CSMD1: variants seen among roughly 807,000 people sequenced by gnomAD.
CSMD1 encodes the protein CUB and sushi domain-containing protein 1.
A neutral mutation model predicts 417.5 loss-of-function variants in CSMD1; 213 were observed. The ratio of observed to expected loss-of-function variants is 0.51; its 90% CI spans 0.46 to 0.57. CSMD1 has a LOEUF of 0.57. CSMD1 is among the 20% of genes least tolerant of loss of function. The pLI, the probability that CSMD1 is intolerant of heterozygous loss-of-function variation, is 0.00. For synonymous variants in CSMD1, 2,862 were observed against 1,736.8 expected (o/e 1.65, Z -16.11); for missense variants, 6,923 against 4,529.7 (o/e 1.53, Z -15.17).
At chr8:4,847,690 T>A (rs1801221230) in intron 1 of CSMD1, among the ~76,000 whole-genome samples, 1 of 152,132 alleles carries the variant, frequency 6.6e-6, no homozygotes, top group Non-Finnish European at 1.5e-5. Context: ...ACTATGATAG[T>A]TTCCTGACTT....
rs904274552 is a variant in CSMD1 at position 4,383,048 on chromosome 8, A to C, written c.415+36905T>G. Reference sequence around the variant, plus strand: ...GTGGAATATTCTGGTCTCTGTCAGCATTAGGATTCGGGAGTAATAGCTGCT... The same window carrying C: ...GTGGAATATTCTGGTCTCTGTCAGCCTTAGGATTCGGGAGTAATAGCTGCT... On this transcript the variant is annotated intron_variant, in intron 3 of 69. Transcript: ENST00000635120. 3.3e-5 allele frequency among the ~76,000 whole-genome samples: 5 copies of C among 152,180 alleles called. No homozygotes were observed. In the East Asian group the frequency reaches 9.6e-4, roughly 29 times the overall value.
At chr8:3,566,548 G>T (rs1027338553) in intron 10 of CSMD1, among the ~76,000 whole-genome samples, 2 of 151,036 alleles carry the variant, frequency 1.3e-5, no homozygotes, top group Non-Finnish European at 2.9e-5. Flanking sequence ...TTTGTCCATA[G>T]AGGATGTGAA....
chr8:3,308,527 T>A (rs367592576), intron 23 of CSMD1, 24 bp from the exon 24 acceptor site: 5 of 1,588,002 alleles, frequency 3.1e-6, no homozygotes, highest in Non-Finnish European at 4.3e-6. Flanking sequence ...AGGCAAGGAA[T>A]GAACAGAACT....
intron 5 of CSMD1, among the ~76,000 whole-genome samples, chr8:3,889,489 ATAT>A (rs1806803574): frequency 7.3e-5 from 7 of 96,504 alleles, no homozygotes; most frequent in East Asian, 2.7e-4. Flanking sequence ...ATATATATAT[ATAT>A]AAAATATGCT....
At chr8:3,240,133 G>A (rs554059378) in intron 26 of CSMD1, among the ~76,000 whole-genome samples, 39 of 152,302 alleles carry the variant, frequency 2.6e-4, no homozygotes, top group African/African-American at 8.9e-4. Flanking sequence ...GTAAGGTCAA[G>A]TAATTTGGGT....
At chr8:4,207,356 G>A (rs1318847682) in intron 3 of CSMD1, among the ~76,000 whole-genome samples, 1 of 152,022 alleles carries the variant, frequency 6.6e-6, no homozygotes, top group African/African-American at 2.4e-5. Flanking sequence ...CAACAAATTA[G>A]CTTAATAGTT....
intron 40 of CSMD1, among the ~76,000 whole-genome samples, chr8:3,145,100 T>C (rs926765495): frequency 2.0e-5 from 3 of 152,128 alleles, no homozygotes; most frequent in Non-Finnish European, 4.4e-5. Flanking sequence ...TGTGTTTGTG[T>C]GACTGCCTTA....
chr8:3,924,126 A>C lies in CSMD1; in HGVS notation c.818+73777T>G, dbSNP rs577627441. 1.1e-4 allele frequency among the ~76,000 whole-genome samples: 16 copies of C among 152,264 alleles called. No homozygotes were observed. In the South Asian group the frequency reaches 3.1e-3, roughly 30 times the overall value. Reference sequence around the variant, plus strand: ...CTCTTGTTGATGCGGGAAAATCTGTATCTCTCCATTTATGAAGGACAGTTT... The same window carrying C: ...CTCTTGTTGATGCGGGAAAATCTGTCTCTCTCCATTTATGAAGGACAGTTT... On this transcript the variant is annotated intron_variant, in intron 5 of 69. Coordinates refer to ENST00000635120, the MANE Select transcript of CSMD1 (RefSeq NM_033225.6).
intron 1 of CSMD1, among the ~76,000 whole-genome samples, chr8:4,843,194 TG>T (rs1156770837): frequency 1.3e-5 from 2 of 152,098 alleles, no homozygotes; most frequent in African/African-American, 4.8e-5. Flanking sequence ...ACCACTACAT[TG>T]ATTATAGATG....
chr8:4,069,228 G>A (rs780548702), intron 3 of CSMD1, among the ~76,000 whole-genome samples: 6 of 152,160 alleles, frequency 3.9e-5, no homozygotes, highest in Non-Finnish European at 8.8e-5. Flanking sequence ...TTGTCATACA[G>A]ATGAGAAAAT....
chr8:4,960,943 C>T (rs1449644621), intron 1 of CSMD1, among the ~76,000 whole-genome samples: 2 of 152,126 alleles, frequency 1.3e-5, no homozygotes, highest in African/African-American at 2.4e-5. Context: ...GATTTCACTG[C>T]ACATTTTTAA....
At chr8:3,812,992 G>C (rs1482101130) in intron 5 of CSMD1, among the ~76,000 whole-genome samples, 1 of 151,912 alleles carries the variant, frequency 6.6e-6, no homozygotes, top group Non-Finnish European at 1.5e-5. Flanking sequence ...AGGAAATCTG[G>C]AATTAACTCT....
In CSMD1 at chr8:3,804,995, C is replaced by G. The variant is rs972024787; in HGVS notation, c.819-50953G>C. On this transcript the variant is annotated intron_variant, in intron 5 of 69. Coordinates refer to ENST00000635120, the MANE Select transcript of CSMD1 (RefSeq NM_033225.6). ...AATTGTTCGTTCCACTTTCACAGTT[C>G]ACTTCTTCTGGTCTTGAAGAGGCCT... is the stretch of plus-strand genomic sequence containing the variant. 1.2e-4 allele frequency among the ~76,000 whole-genome samples: 18 copies of G among 152,274 alleles called. 1 individual carries two copies. Among genetic ancestry groups the G allele is most frequent in the Middle Eastern group, 6.8e-3 (2 of 294 alleles).
chr8:3,137,500 G>A (rs539773016), intron 41 of CSMD1, among the ~76,000 whole-genome samples: 21 of 152,304 alleles, frequency 1.4e-4, no homozygotes, highest in Non-Finnish European at 2.9e-4. Flanking sequence ...AGAAATGACC[G>A]TCACCTTCAT....
intron 6 of CSMD1, among the ~76,000 whole-genome samples, chr8:3,745,653 A>C (rs528458856): frequency 1.3e-5 from 2 of 152,308 alleles, no homozygotes; most frequent in South Asian, 4.2e-4. Flanking sequence ...TCTTTTCACA[A>C]GGGGCATGAA....
At chr8:3,566,093 G>C (rs755154407) in intron 10 of CSMD1, among the ~76,000 whole-genome samples, 17 of 152,008 alleles carry the variant, frequency 1.1e-4, no homozygotes, top group Non-Finnish European at 2.4e-4. Context: ...AAAATAAACA[G>C]AAAGGGAAGG....
At chr8:4,331,257 C>T (rs1372890005) in intron 3 of CSMD1, among the ~76,000 whole-genome samples, 1 of 152,100 alleles carries the variant, frequency 6.6e-6, no homozygotes, top group Non-Finnish European at 1.5e-5. Flanking sequence ...CAGAGAGAAG[C>T]CAGGGAACTC....
chr8:3,899,279 C>T (rs1277933291), intron 5 of CSMD1, among the ~76,000 whole-genome samples: 3 of 152,188 alleles, frequency 2.0e-5, no homozygotes, highest in Non-Finnish European at 4.4e-5. Flanking sequence ...CCCCGCCCTG[C>T]TAAGAAATGG....
At chr8:4,148,283 C>G (rs1284974185) in intron 3 of CSMD1, among the ~76,000 whole-genome samples, 1 of 147,470 alleles carries the variant, frequency 6.8e-6, no homozygotes, top group African/African-American at 2.5e-5. Flanking sequence ...AAACCAAACA[C>G]CACATGTTCT....
Sources: allele counts gnomAD v4.1 joint callset (sites outside exome capture counted in the v4.1 genomes callset), GRCh38; gene constraint gnomAD v4.1.1; transcripts MANE v1.5; gene names NCBI Gene and HGNC (gene_info 2026-07-23, HGNC 2026-07-21).